KATNAL1: variants seen among roughly 807,000 people sequenced by gnomAD.
KATNAL1 encodes the protein katanin p60 ATPase-containing subunit A-like 1.
Under a neutral mutation model 55.2 loss-of-function variants are expected in KATNAL1, and 32 were observed. That is an observed-to-expected ratio of 0.58 (90% CI 0.44 to 0.78). KATNAL1 has a LOEUF of 0.78. Among genes scored for constraint, KATNAL1 ranks in the 30% least tolerant of loss-of-function variants. The probability of loss-of-function intolerance (pLI) is 0.00; values close to 1 mark genes in which losing one functional copy is unlikely to be tolerated. For missense variants in KATNAL1, 466 were observed against 600.9 expected (o/e 0.78, Z 2.35); for synonymous variants, 193 against 193.6 (o/e 1.00, Z 0.02).
intron 9 of KATNAL1, among the ~76,000 whole-genome samples, chr13:30,214,809 C>T (rs973117361): frequency 6.6e-6 from 1 of 151,486 alleles, no homozygotes; most frequent in African/African-American, 2.4e-5. Context: ...AGACCTAAAA[C>T]CATAAAAACC....
intron 3 of KATNAL1, among the ~76,000 whole-genome samples, chr13:30,276,516 C>CAA (rs35974864): frequency 1.3e-3 from 132 of 99,092 alleles, no homozygotes; most frequent in African/African-American, 2.0e-3. Context: ...TGAGAGATGG[C>CAA]AAAAAAAAAA....
chr13:30,253,263 T>C (rs911272911), intron 4 of KATNAL1, among the ~76,000 whole-genome samples: 1 of 152,224 alleles, frequency 6.6e-6, no homozygotes, highest in Non-Finnish European at 1.5e-5. Flanking sequence ...TAGTCCCCTC[T>C]GTTTCCACAG....
intron 3 of KATNAL1, among the ~76,000 whole-genome samples, chr13:30,262,075 C>A (rs1302552833): frequency 6.6e-6 from 1 of 151,886 alleles, no homozygotes; most frequent in African/African-American, 2.4e-5. Flanking sequence ...CACTCAAAAC[C>A]GCTCAACTAC....
chr13:30,303,771 T>C (rs547753062), intron 1 of KATNAL1, among the ~76,000 whole-genome samples: 2 of 152,278 alleles, frequency 1.3e-5, no homozygotes, highest in East Asian at 1.9e-4. Flanking sequence ...CAAAAGTACA[T>C]TGGTATTAAT....
chr13:30,222,968 G>A (rs1448339262), intron 9 of KATNAL1, among the ~76,000 whole-genome samples: 1 of 151,544 alleles, frequency 6.6e-6, no homozygotes, highest in Non-Finnish European at 1.5e-5. Flanking sequence ...AGTGGCACAT[G>A]CCTGTAGTCC....
chr13:30,221,510 T>C (rs1296474844), intron 9 of KATNAL1, among the ~76,000 whole-genome samples: 2 of 152,212 alleles, frequency 1.3e-5, no homozygotes, highest in Admixed American at 6.5e-5. Context: ...AATTAAAAAG[T>C]AGCTAACAAA....
At chr13:30,221,942 T>A (rs1874905814) in intron 9 of KATNAL1, among the ~76,000 whole-genome samples, 1 of 152,060 alleles carries the variant, frequency 6.6e-6, no homozygotes, top group Non-Finnish European at 1.5e-5. Context: ...TCCCAGCTAC[T>A]TGGGAGCCTG....
Position 30,251,325 on chromosome 13 carries a change from C to T in KATNAL1, c.492+4122G>A, listed in dbSNP as rs1459509387. 3.3e-5 allele frequency among the ~76,000 whole-genome samples: 5 copies of T among 152,096 alleles called. 1 individual carries two copies. Among genetic ancestry groups the T allele is most frequent in the South Asian group, 2.1e-4 (1 of 4,818 alleles). On this transcript the variant is annotated intron_variant, in intron 4 of 10. Transcript: ENST00000380615. ...TTAAATAGCAAAATAATAATAAATC[C>T]GATTTTCCCAGGTGCTATGGTCTAA...
intron 4 of KATNAL1, among the ~76,000 whole-genome samples, chr13:30,249,432 T>A (rs1037906030): frequency 6.6e-6 from 1 of 152,072 alleles, no homozygotes; most frequent in Non-Finnish European, 1.5e-5. Context: ...CATATATATG[T>A]CAAAGGATAA....
At chr13:30,224,425 T>C (rs1875229255) in intron 9 of KATNAL1, among the ~76,000 whole-genome samples, 2 of 151,750 alleles carry the variant, frequency 1.3e-5, no homozygotes, top group African/African-American at 4.8e-5. Flanking sequence ...TAGTCCCTAC[T>C]CAAGAGGCTG....
intron 3 of KATNAL1, among the ~76,000 whole-genome samples, chr13:30,275,751 T>A (rs547710603): frequency 6.6e-6 from 1 of 152,138 alleles, no homozygotes; most frequent in East Asian, 1.9e-4. Context: ...GTAATTGATA[T>A]GCTAATTAGC....
At chr13:30,272,408 A>C (rs567242826) in intron 3 of KATNAL1, among the ~76,000 whole-genome samples, 2 of 152,072 alleles carry the variant, frequency 1.3e-5, no homozygotes. Flanking sequence ...AAAAAAAAGA[A>C]AGAAAAAAAG....
chr13:30,272,717 A>C (rs1880477361), intron 3 of KATNAL1, among the ~76,000 whole-genome samples: 2 of 152,202 alleles, frequency 1.3e-5, no homozygotes, highest in South Asian at 4.1e-4. Context: ...GAGAATGGAA[A>C]CTTAAGAGTG....
At chr13:30,292,030 C>T (rs1225236369) in intron 1 of KATNAL1, among the ~76,000 whole-genome samples, 1 of 151,562 alleles carries the variant, frequency 6.6e-6, no homozygotes, top group Non-Finnish European at 1.5e-5. Flanking sequence ...AGCGAAACTC[C>T]ATCTCAAAAA....
At chr13:30,248,650 C>T (rs1305566361) in intron 4 of KATNAL1, among the ~76,000 whole-genome samples, 10 of 152,332 alleles carry the variant, frequency 6.6e-5, no homozygotes, top group South Asian at 2.1e-4. Context: ...CAACGCCGGG[C>T]GCAATGGCTC....
chr13:30,289,906 T>C (rs1174547823), intron 1 of KATNAL1, among the ~76,000 whole-genome samples: 1 of 152,256 alleles, frequency 6.6e-6, no homozygotes, highest in African/African-American at 2.4e-5. Context: ...AGAGACAATT[T>C]GTAAACAACT....
chr13:30,217,672 G>A (rs908247483), intron 9 of KATNAL1, among the ~76,000 whole-genome samples: 18 of 152,092 alleles, frequency 1.2e-4, no homozygotes, highest in Middle Eastern at 3.4e-3. Flanking sequence ...CTACATTCTG[G>A]GCCTGCCTAT....
intron 10 of KATNAL1, 152 bp from the exon 11 acceptor site, chr13:30,208,890 G>C: frequency 1.7e-6 from 1 of 573,168 alleles, no homozygotes; most frequent in South Asian, 3.0e-5. Flanking sequence ...CATCCTGGGG[G>C]TTCAGCAGAA....
chr13:30,283,585 T>C, intron 2 of KATNAL1, 31 bp downstream of exon 2: 1 of 1,605,454 alleles, frequency 6.2e-7, no homozygotes, highest in Non-Finnish European at 8.5e-7. Flanking sequence ...ACTGCCATCC[T>C]AACTCATCTA....
Sources: allele counts gnomAD v4.1 joint callset (sites outside exome capture counted in the v4.1 genomes callset), GRCh38; gene constraint gnomAD v4.1.1; transcripts MANE v1.5; gene names NCBI Gene and HGNC (gene_info 2026-07-23, HGNC 2026-07-21).